Variants in DUSP4 observed in about 807,000 individuals in gnomAD.
DUSP4 encodes the protein dual specificity protein phosphatase 4.
Under a neutral mutation model 27.2 loss-of-function variants are expected in DUSP4, and 12 were observed. The observed-to-expected ratio is 0.44, with a 90% CI of 0.28 to 0.71. The LOEUF (loss-of-function observed/expected upper bound fraction) is 0.71, where lower values mean the gene tolerates loss of function less well. DUSP4 is among the 30% of genes least tolerant of loss of function. The pLI is 0.14. For synonymous variants in DUSP4, 257 were observed against 245.2 expected, an observed-to-expected ratio of 1.05 and a Z score of -0.45; for missense variants, 448 against 551.3, an observed-to-expected ratio of 0.81 and a Z score of 1.88.
chr8:29,333,974 C>G lies in DUSP4; in HGVS notation c.*3052G>C, dbSNP rs1367718241. 1 of 152,242 alleles carries G rather than the reference C, an allele frequency of 6.6e-6. No homozygotes were observed. Among genetic ancestry groups the G allele is most frequent in the Non-Finnish European group, 1.5e-5 (1 of 68,102 alleles). The allele number at this position is 152,242 out of a possible 1,614,324, so 9.4% of individuals were successfully genotyped here. A position where few individuals can be genotyped will look rare whatever the true frequency, so the allele number is the denominator to read the frequency against. On this transcript the variant is annotated 3_prime_UTR_variant, in exon 4 of 4. Transcript: ENST00000240100. ...CTCTCTGGAATCCAGCGTGGATGAG[C>G]AACTGAACAAAATGGCTTTGGGAGG... is the stretch of plus-strand genomic sequence containing the variant.
intron 2 of DUSP4, among the ~76,000 whole-genome samples, chr8:29,339,877 G>C (rs551620133): frequency 6.8e-6 from 1 of 147,822 alleles, no homozygotes; most frequent in African/African-American, 2.5e-5. Context: ...AGCCAGGCAT[G>C]GTAGTGCCAC....
At position 29,336,629 on chromosome 8, in the gene DUSP4, C is replaced by T; in HGVS notation, c.*397G>A. ...CAGGCACTTCTGGGAAACTTGTCTT[C>T]TCATCCCTTTGCCCTCCCTTCCTCC... is the stretch of plus-strand genomic sequence containing the variant. On this transcript the variant is annotated 3_prime_UTR_variant, in exon 4 of 4. Transcript: ENST00000240100. 1 of 172,756 alleles carries T rather than the reference C, an allele frequency of 5.8e-6. No individual in the cohort carries two copies. The highest frequency in any genetic ancestry group is 1.2e-5 in the Non-Finnish European group (1 of 81,562). 10.7% of individuals were successfully genotyped at this position (172,756 alleles called of 1,614,324 possible). A position where few individuals can be genotyped will look rare whatever the true frequency, so the allele number is the denominator to read the frequency against.
At position 29,349,873 on chromosome 8, in the gene DUSP4, C is replaced by T. The variant is rs775736431; in HGVS notation, c.406G>A (p.Glu136Lys). Residue 136 changes from glutamate (E) to lysine (K), a missense_variant, in exon 1 of 4, where the codon GAG (glutamate) becomes AAG (lysine). This residue lies in a region of DUSP4 where 345 missense variants were observed against 394.0 expected (regional missense o/e 0.88). Coordinates refer to ENST00000240100, the MANE Select transcript of DUSP4 (RefSeq NM_001394.7). ...TTGAGCAGGCAGATGTCGGTGCGCT[C>T]GGCGTTGCGGCGCAGCGCCTGCACC... ...LVVQALRRNA[E>K]RTDICLLKGG... The T allele has an allele frequency of 5.3e-6, 8 of 1,510,376 alleles. No homozygotes were observed. Among genetic ancestry groups the T allele is most frequent in the Non-Finnish European group, 7.0e-6 (8 of 1,135,636 alleles). 93.6% of individuals were successfully genotyped at this position (1,510,376 alleles called of 1,614,324 possible). A position where few individuals can be genotyped will look rare whatever the true frequency, so the allele number is the denominator to read the frequency against.
rs1019976670 is a variant in DUSP4, at chr8:29,335,093, A to G, written c.*1933T>C. ...GATGTAGACTCTCAAAGGGCTAAAAAAAACCATGCTCTCACTTCTAGACAA... is the reference window on the plus strand; with the variant it reads ...GATGTAGACTCTCAAAGGGCTAAAAGAAACCATGCTCTCACTTCTAGACAA... On this transcript the variant is annotated 3_prime_UTR_variant, in exon 4 of 4. Coordinates refer to ENST00000240100, the MANE Select transcript of DUSP4 (RefSeq NM_001394.7). 2 of 152,236 alleles carry G rather than the reference A, an allele frequency of 1.3e-5. No individual in the cohort carries two copies. Among genetic ancestry groups the G allele is most frequent in the Admixed American group, 1.3e-4 (2 of 15,274 alleles). The allele number at this position is 152,236 out of a possible 1,614,324, so 9.4% of individuals were successfully genotyped here.
intron 1 of DUSP4, chr8:29,348,421 G>A (rs1004213266): frequency 3.0e-6 from 3 of 985,472 alleles, no homozygotes; most frequent in Admixed American, 1.2e-4. Context: ...GCGCTTTGGG[G>A]AGAAGGGAGG....
At chr8:29,341,442 G>T (rs118037404) in intron 1 of DUSP4, among the ~76,000 whole-genome samples, 1 of 152,160 alleles carries the variant, frequency 6.6e-6, no homozygotes, top group Non-Finnish European at 1.5e-5. Context: ...GGAAGGAAAC[G>T]GTTCTCTACC....
At chr8:29,348,707 C>T in intron 1 of DUSP4, 1 of 985,030 alleles carries the variant, frequency 1.0e-6, no homozygotes, top group African/African-American at 1.7e-5. Flanking sequence ...GTGGACAGGT[C>T]GGAAGAGGAG....
Position 29,336,203 on chromosome 8 carries a change from T to TGAA in DUSP4, c.*822_*823insTTC, listed in dbSNP as rs1817570516. The stretch of plus-strand genomic sequence containing the variant: ...TGGCAACATAGTGAGATGCTGTCTT[T>TGAA]TTCTTTTCTTTTTTTTTTAAAAAGC... On this transcript the variant is annotated 3_prime_UTR_variant, in exon 4 of 4. Transcript: ENST00000240100. 1 of 152,078 alleles carries TGAA rather than the reference T, an allele frequency of 6.6e-6. No homozygotes were observed. Among genetic ancestry groups the TGAA allele is most frequent in the African/African-American group, 2.4e-5 (1 of 41,384 alleles). The allele number at this position is 152,078 out of a possible 1,614,324, so 9.4% of individuals were successfully genotyped here.
rs1246676434 is a variant in DUSP4 at position 29,333,422 on chromosome 8, T to C, written c.*3604A>G. 6.6e-6 allele frequency: 1 copy of C among 152,210 alleles called. No individual in the cohort carries two copies. The highest frequency in any genetic ancestry group is 2.4e-5 in the African/African-American group (1 of 41,456). The allele number at this position is 152,210 out of a possible 1,614,324, so 9.4% of individuals were successfully genotyped here. On this transcript the variant is annotated 3_prime_UTR_variant, in exon 4 of 4. Coordinates refer to ENST00000240100, the MANE Select transcript of DUSP4 (RefSeq NM_001394.7). ...AAAACATCAATATCCAAACACCGTA[T>C]TGAGTCCCTTAACAAGGCTCCACAG...
At chr8:29,348,887 C>T (rs959096442) in intron 1 of DUSP4, 2 of 688,340 alleles carry the variant, frequency 2.9e-6, no homozygotes, top group African/African-American at 3.7e-5. Flanking sequence ...CGCAGCGCGG[C>T]GGGGGGCGCC....
chr8:29,347,807 C>T, intron 1 of DUSP4: 1 of 985,572 alleles, frequency 1.0e-6, no homozygotes, highest in Non-Finnish European at 1.2e-6. Context: ...GCCTGTACTA[C>T]CCAGTCACTA....
In DUSP4 at chr8:29,337,442, G is replaced by A. The variant is rs112876436; in HGVS notation, c.800-31C>T. Reference sequence around the variant, plus strand: ...GACAGGGTTCAATAGGTTAGTGCACGTTTCTGCAGACCCCAGCCCCGACCA... The same window carrying A: ...GACAGGGTTCAATAGGTTAGTGCACATTTCTGCAGACCCCAGCCCCGACCA... On this transcript the variant is annotated intron_variant, in intron 3 of 3. Coordinates refer to ENST00000240100, the MANE Select transcript of DUSP4 (RefSeq NM_001394.7). This position sits in a 1 kb window ranked among gnomAD's most constrained non-coding sequence, Gnocchi z 6.4. The A allele has an allele frequency of 1.9e-5, 29 of 1,565,522 alleles. No individual in the cohort carries two copies. The highest frequency in any genetic ancestry group is 1.5e-4 in the African/African-American group (11 of 74,400).
rs1817572429 is a variant in DUSP4 at position 29,336,328 on chromosome 8, A to C, written c.*698T>G. On this transcript the variant is annotated 3_prime_UTR_variant, in exon 4 of 4. Coordinates refer to ENST00000240100, the MANE Select transcript of DUSP4 (RefSeq NM_001394.7). ...TTGCTCATCATGCTACCTTGCACAT[A>C]TCTACAAGACACCATTTACTTCCTA... 1 of 152,060 alleles carries C rather than the reference A, an allele frequency of 6.6e-6. No individual in the cohort carries two copies. Among genetic ancestry groups the C allele is most frequent in the African/African-American group, 2.4e-5 (1 of 41,374 alleles). The allele number at this position is 152,060 out of a possible 1,614,324, so 9.4% of individuals were successfully genotyped here.
At chr8:29,342,939 G>A (rs528583886) in intron 1 of DUSP4, among the ~76,000 whole-genome samples, 2 of 152,240 alleles carry the variant, frequency 1.3e-5, no homozygotes, top group Non-Finnish European at 2.9e-5. Flanking sequence ...AGGCCGAGGC[G>A]GGTGGATCAC....
intron 1 of DUSP4, among the ~76,000 whole-genome samples, chr8:29,343,756 C>T (rs969993875): frequency 3.9e-5 from 6 of 152,244 alleles, no homozygotes; most frequent in Admixed American, 3.9e-4. Context: ...GGAGGATGCA[C>T]TGCCCTTAAA....
At position 29,348,078 on chromosome 8, in the gene DUSP4, CAACAA is replaced by C. The variant is rs1817761469; in HGVS notation, c.433+1763_433+1767del. Reference sequence around the variant, plus strand: ...TTCTTCCAGGAAGGAAAGCAAAACACAACAAAACAAATCCAGACTCCACGTGGGGC... The same window carrying C: ...TTCTTCCAGGAAGGAAAGCAAAACACAACAAATCCAGACTCCACGTGGGGC... On this transcript the variant is annotated intron_variant, in intron 1 of 3. Transcript: ENST00000240100. 4.1e-6 allele frequency: 4 copies of C among 985,586 alleles called. No individual in the cohort carries two copies. In the South Asian group the frequency reaches 1.9e-4, roughly 46 times the overall value. 61.1% of individuals were successfully genotyped at this position (985,586 alleles called of 1,614,324 possible). A position where few individuals can be genotyped will look rare whatever the true frequency, so the allele number is the denominator to read the frequency against.
chr8:29,343,344 C>T (rs546431907), intron 1 of DUSP4, among the ~76,000 whole-genome samples: 13 of 152,130 alleles, frequency 8.5e-5, no homozygotes, highest in African/African-American at 3.1e-4. Flanking sequence ...GCACTCAGGC[C>T]AGCACTCATG....
chr8:29,338,258 A>T, intron 3 of DUSP4, 24 bp downstream of exon 3: 3 of 1,583,474 alleles, frequency 1.9e-6, no homozygotes, highest in Non-Finnish European at 1.7e-6. Flanking sequence ...CAAACCCAGG[A>T]ACCCCAGAGC....
chr8:29,340,439 C>G (rs1191227976), intron 1 of DUSP4, among the ~76,000 whole-genome samples, 196 bp from the exon 2 acceptor site: 1 of 152,122 alleles, frequency 6.6e-6, no homozygotes, highest in African/African-American at 2.4e-5. Context: ...ACACACTCGT[C>G]AGGACTGCAG....
Sources: gnomAD v4.1 joint callset for allele counts (sites outside exome capture counted in the v4.1 genomes callset) on GRCh38, gnomAD v4.1.1 for gene constraint, gnomAD v4.1.1 regional missense constraint, Gnocchi (gnomAD v3.1) non-coding constraint, MANE v1.5 for transcripts, NCBI Gene and HGNC (gene_info 2026-07-23, HGNC 2026-07-21) for gene names.